The following RPS6KC1 variants were observed in gnomAD, a reference collection of about 807,000 sequenced individuals.
RPS6KC1 encodes inactive ribosomal protein S6 kinase delta-1.
A neutral mutation model predicts 103.8 loss-of-function variants in RPS6KC1; 54 were observed. The observed-to-expected ratio is 0.52, with a 90% CI of 0.42 to 0.65. RPS6KC1 has a LOEUF of 0.65. RPS6KC1 is among the 30% of genes least tolerant of loss of function. RPS6KC1 has a pLI of 0.00. For missense variants in RPS6KC1, 1,151 were observed against 1,253.8 expected (o/e 0.92, Z 1.24); for synonymous variants, 439 against 438.7 (o/e 1.00, Z -0.01).
chr1:213,471,530 C>T, the RPS6KC1 span, among the ~76,000 whole-genome samples: 1 of 152,204 alleles, frequency 6.6e-6, no homozygotes, highest in Non-Finnish European at 1.5e-5. Context: ...TCCACCTTCT[C>T]CTACCTTCCC....
At chr1:213,159,978 A>AT (rs2090302978) in intron 6 of RPS6KC1, among the ~76,000 whole-genome samples, 1 of 152,248 alleles carries the variant, frequency 6.6e-6, no homozygotes, top group Non-Finnish European at 1.5e-5. Flanking sequence ...CTGACAGGTT[A>AT]TTAGGCACCT....
chr1:213,281,541 C>T, the RPS6KC1 span, among the ~76,000 whole-genome samples: 9 of 152,240 alleles, frequency 5.9e-5, no homozygotes, highest in African/African-American at 2.2e-4. Flanking sequence ...CACCCCTGAT[C>T]ATACCTTTCC....
At chr1:213,253,307 G>A (rs1287814423) in intron 12 of RPS6KC1, among the ~76,000 whole-genome samples, 1 of 152,072 alleles carries the variant, frequency 6.6e-6, no homozygotes, top group Non-Finnish European at 1.5e-5. Context: ...GAAAAACCAG[G>A]GAACTGAGTC....
At chr1:213,443,908 A>G in the RPS6KC1 span, among the ~76,000 whole-genome samples, 3 of 151,760 alleles carry the variant, frequency 2.0e-5, no homozygotes, top group African/African-American at 7.3e-5. Flanking sequence ...CTCAAAAAAA[A>G]AGAGAAGTTT....
the RPS6KC1 span, among the ~76,000 whole-genome samples, chr1:213,520,535 A>T: frequency 6.6e-6 from 1 of 152,158 alleles, no homozygotes; most frequent in Non-Finnish European, 1.5e-5. Flanking sequence ...ACACATGGGT[A>T]AGAAAGGGAC....
the RPS6KC1 span, among the ~76,000 whole-genome samples, chr1:213,782,476 G>A: frequency 6.6e-6 from 1 of 151,988 alleles, no homozygotes; most frequent in Non-Finnish European, 1.5e-5. Flanking sequence ...TTGTGATGAG[G>A]AAGAAAAGGC....
At chr1:213,604,684 C>G in the RPS6KC1 span, among the ~76,000 whole-genome samples, 2 of 152,340 alleles carry the variant, frequency 1.3e-5, no homozygotes, top group African/African-American at 4.8e-5. Context: ...GACACCCTGA[C>G]TCTCGCCTGC....
the RPS6KC1 span, among the ~76,000 whole-genome samples, chr1:213,290,714 G>A: frequency 6.6e-6 from 1 of 152,082 alleles, no homozygotes; most frequent in Non-Finnish European, 1.5e-5. Flanking sequence ...CATGCAAGCT[G>A]GTTGCTCCAA....
the RPS6KC1 span, among the ~76,000 whole-genome samples, chr1:213,690,392 G>T: frequency 6.6e-6 from 1 of 152,172 alleles, no homozygotes; most frequent in Non-Finnish European, 1.5e-5. Context: ...AGGAAGCAGA[G>T]AACCAGTGCT....
chr1:213,383,674 G>A, the RPS6KC1 span, among the ~76,000 whole-genome samples: 6 of 152,188 alleles, frequency 3.9e-5, no homozygotes, highest in Admixed American at 3.3e-4. Flanking sequence ...TCTTATGGAT[G>A]GGGCCCTGAT....
the RPS6KC1 span, among the ~76,000 whole-genome samples, chr1:213,743,247 G>A: frequency 3.9e-5 from 6 of 152,162 alleles, no homozygotes; most frequent in African/African-American, 7.2e-5. Flanking sequence ...CAACATGGAC[G>A]CAGCTGGAAG....
chr1:213,351,078 C>A, the RPS6KC1 span, among the ~76,000 whole-genome samples: 1 of 152,082 alleles, frequency 6.6e-6, no homozygotes, highest in East Asian at 1.9e-4. Context: ...TAATTAAGTA[C>A]ATGTACATAT....
the RPS6KC1 span, among the ~76,000 whole-genome samples, chr1:213,316,700 AGTGTGTGT>A: frequency 2.0e-3 from 291 of 144,520 alleles, 2 homozygotes; most frequent in African/African-American, 6.6e-3. Context: ...TAGGGCATGC[AGTGTGTGT>A]GTGTGTGTGT....
chr1:213,795,124 A>G, the RPS6KC1 span, among the ~76,000 whole-genome samples: 3 of 152,198 alleles, frequency 2.0e-5, no homozygotes, highest in African/African-American at 7.2e-5. Flanking sequence ...TATTCAACTC[A>G]ATATATGTGT....
chr1:213,191,281 A>G (rs913943392), intron 8 of RPS6KC1, among the ~76,000 whole-genome samples: 1 of 152,162 alleles, frequency 6.6e-6, no homozygotes, highest in Admixed American at 6.5e-5. Context: ...TGAACATGGA[A>G]TATCTTTCCC....
the RPS6KC1 span, among the ~76,000 whole-genome samples, chr1:213,297,517 A>G: frequency 6.6e-6 from 1 of 152,228 alleles, no homozygotes; most frequent in Non-Finnish European, 1.5e-5. Context: ...GGATTAGCCG[A>G]GAATACTTGA....
intron 10 of RPS6KC1, among the ~76,000 whole-genome samples, chr1:213,235,817 T>G (rs993794127): frequency 5.9e-5 from 9 of 152,070 alleles, no homozygotes; most frequent in South Asian, 2.1e-4. Context: ...AAAGGAGTGA[T>G]GAGATAGGGA....
the RPS6KC1 span, among the ~76,000 whole-genome samples, chr1:213,667,674 G>A: frequency 6.6e-6 from 1 of 152,094 alleles, no homozygotes; most frequent in Admixed American, 6.5e-5. Context: ...TTTCACAAAA[G>A]GTTTCTCTGT....
At chr1:213,301,702 T>C in the RPS6KC1 span, among the ~76,000 whole-genome samples, 4,719 of 58,882 alleles carry the variant, frequency 0.08, 98 homozygotes, top group Non-Finnish European at 0.1. Context: ...CATTTACTTA[T>C]TTATTTATTT....
Sources: allele counts gnomAD v4.1 joint callset (sites outside exome capture counted in the v4.1 genomes callset), GRCh38; gene constraint gnomAD v4.1.1; transcripts MANE v1.5; gene names NCBI Gene and HGNC (gene_info 2026-07-23, HGNC 2026-07-21).